EZH2: variants seen among roughly 807,000 people sequenced by gnomAD.
EZH2 encodes the protein histone-lysine N-methyltransferase EZH2.
EZH2 carries 18 observed loss-of-function variants against 98.4 expected under a neutral mutation model. The ratio of observed to expected loss-of-function variants is 0.18; its 90% CI spans 0.13 to 0.27. EZH2 has a LOEUF of 0.27. Ranked by LOEUF, EZH2 falls within the 10% of genes least tolerant of loss-of-function variation. The pLI is 1.00. For missense variants in EZH2, 470 were observed against 935.1 expected, an observed-to-expected ratio of 0.50 and a Z score of 6.49; for synonymous variants, 338 against 312.3, an observed-to-expected ratio of 1.08 and a Z score of -0.87.
chr7:148,811,497 G>A, intron 16 of EZH2, 128 bp downstream of exon 16: 1 of 708,568 alleles, frequency 1.4e-6, no homozygotes, highest in East Asian at 2.8e-5. Context: ...CAGAAGTCCA[G>A]GCTGAAAAGG....
At chr7:148,818,468 G>C (rs1323065766) in intron 9 of EZH2, among the ~76,000 whole-genome samples, 1 of 152,110 alleles carries the variant, frequency 6.6e-6, no homozygotes, top group Non-Finnish European at 1.5e-5. Context: ...TATCTCTATG[G>C]ACATACAGTC....
chr7:148,814,225 T>C (rs1457506150), intron 14 of EZH2, 88 bp from the exon 15 acceptor site: 6 of 1,192,284 alleles, frequency 5.0e-6, no homozygotes, highest in Non-Finnish European at 6.0e-6. Context: ...ACTGGGCATC[T>C]CACTGACTCT....
At chr7:148,853,585 C>A (rs1384405325) in intron 1 of EZH2, among the ~76,000 whole-genome samples, 1 of 152,208 alleles carries the variant, frequency 6.6e-6, no homozygotes, top group Non-Finnish European at 1.5e-5. Context: ...AGACGGGTAC[C>A]AGTCCACGGC....
intron 3 of EZH2, among the ~76,000 whole-genome samples, chr7:148,845,083 G>A (rs1033111960): frequency 6.6e-6 from 1 of 152,128 alleles, no homozygotes; most frequent in Non-Finnish European, 1.5e-5. Context: ...CCTAAGTTAG[G>A]CTTTTGATAG....
At chr7:148,819,318 T>C (rs1248486166) in intron 9 of EZH2, among the ~76,000 whole-genome samples, 2 of 152,226 alleles carry the variant, frequency 1.3e-5, no homozygotes, top group Non-Finnish European at 2.9e-5. Context: ...GCAACTCTCA[T>C]AGACTTTGTG....
chr7:148,845,533 T>C (rs1398939679), intron 3 of EZH2, among the ~76,000 whole-genome samples: 2 of 152,260 alleles, frequency 1.3e-5, no homozygotes, highest in Admixed American at 6.5e-5. Context: ...CTGTTGCTAC[T>C]GGGATATCAC....
chr7:148,846,619 A>C, intron 2 of EZH2, 21 bp from the exon 3 acceptor site: 12 of 1,602,734 alleles, frequency 7.5e-6, no homozygotes, highest in Non-Finnish European at 1.0e-5. Context: ...AAAATGAAGG[A>C]GAGGAAAGGA....
chr7:148,840,591 AAG>A (rs1238879170), intron 3 of EZH2, among the ~76,000 whole-genome samples: 7 of 152,292 alleles, frequency 4.6e-5, no homozygotes, highest in African/African-American at 1.7e-4. Context: ...TGGAGAGAAA[AAG>A]ATAAAACTTT....
intron 8 of EZH2, among the ~76,000 whole-genome samples, chr7:148,820,364 T>G (rs17171119): frequency 0.14 from 20,567 of 152,178 alleles, 1,532 homozygotes; most frequent in East Asian, 0.26. Context: ...TTGACAGCAG[T>G]GCTAACTTCA....
intron 1 of EZH2, among the ~76,000 whole-genome samples, chr7:148,850,683 C>T (rs1308192492): frequency 6.6e-6 from 1 of 152,176 alleles, no homozygotes; most frequent in Non-Finnish European, 1.5e-5. Flanking sequence ...ACCACTTTTA[C>T]TCATTTGTAA....
intron 16 of EZH2, among the ~76,000 whole-genome samples, chr7:148,811,337 A>C (rs920059149): frequency 5.3e-5 from 8 of 152,066 alleles, no homozygotes; most frequent in African/African-American, 1.4e-4. Context: ...TTTTTGTAGC[A>C]ATGGGGTCTT....
chr7:148,853,184 G>C (rs1196806327), intron 1 of EZH2, among the ~76,000 whole-genome samples: 2 of 152,164 alleles, frequency 1.3e-5, no homozygotes, highest in East Asian at 3.9e-4. Context: ...GGCCAAGGCA[G>C]GCAGATCACT....
At chr7:148,848,042 C>CA (rs1478799531) in intron 1 of EZH2, among the ~76,000 whole-genome samples, 2 of 152,226 alleles carry the variant, frequency 1.3e-5, no homozygotes, top group Non-Finnish European at 2.9e-5. Context: ...ATTCATACTG[C>CA]AGAGTCCTCA....
chr7:148,808,209 C>CTGGGT (rs1802032810), intron 19 of EZH2, among the ~76,000 whole-genome samples: 3 of 152,214 alleles, frequency 2.0e-5, no homozygotes, highest in African/African-American at 7.2e-5. Flanking sequence ...GGTGAGGCCA[C>CTGGGT]CGGGTCATCC....
Position 148,810,359 on chromosome 7 carries a change from C to T in EZH2, c.2003G>A (p.Cys668Tyr). ...ATTGTTCAAGTTGAACAGAAAGCTG[C>T]ACATGTATTTATCATACACTTTCCC... ...RRGKVYDKYM[C>Y]SFLFNLNNDF... Residue 668 changes from cysteine to tyrosine, a missense_variant, in exon 17 of 20, where the codon TGC becomes TAC. Coordinates refer to ENST00000320356, the MANE Select transcript of EZH2 (RefSeq NM_004456.5). 1 of 1,611,098 alleles carries T rather than the reference C, an allele frequency of 6.2e-7. No individual in the cohort carries two copies. Among genetic ancestry groups the T allele is most frequent in the Non-Finnish European group, 8.5e-7 (1 of 1,177,532 alleles).
At chr7:148,808,558 G>GC (rs1802145693) in intron 19 of EZH2, among the ~76,000 whole-genome samples, 1 of 152,168 alleles carries the variant, frequency 6.6e-6, no homozygotes, top group Non-Finnish European at 1.5e-5. Context: ...GGTGGCCCAC[G>GC]TGTCCCAGGC....
chr7:148,828,821 T>C lies in EZH2; in HGVS notation c.544A>G (p.Asn182Asp), dbSNP rs1426017767. The change falls in exon 6 of 20, where the codon AAT (asparagine) becomes GAT (aspartate). Residue 182 changes from asparagine to aspartate, a missense_variant. This residue lies in a region of EZH2 where 69 missense variants were observed against 78.3 expected (regional missense o/e 0.88). Coordinates refer to ENST00000320356, the MANE Select transcript of EZH2 (RefSeq NM_004456.5). ...CCATCATCATCATCGTCATCATCAT[T>C]ATATTGACCAAGGGCATTCACCAAC... ...VELVNALGQY[N>D]DDDDDDDGDD... 1.9e-6 allele frequency: 3 copies of C among 1,613,714 alleles called. No individual in the cohort carries two copies. Among genetic ancestry groups the C allele is most frequent in the Non-Finnish European group, 2.5e-6 (3 of 1,179,874 alleles).
chr7:148,875,946 A>C (rs925829900), intron 1 of EZH2: 1 of 152,222 alleles, frequency 6.6e-6, no homozygotes, highest in Admixed American at 6.5e-5. Context: ...ATTTGAGCCC[A>C]GGAGTTGGAA....
chr7:148,843,659 G>A lies in EZH2; in HGVS notation c.246+2811C>T, dbSNP rs542880982. ...CGCCCAGGCTGGAGTGCAGTGGCGC[G>A]ATCTCGGCTCACTGCAAGCTCCGCC... On this transcript the variant is annotated intron_variant, in intron 3 of 19. Coordinates refer to ENST00000320356, the MANE Select transcript of EZH2 (RefSeq NM_004456.5). 1.3e-3 allele frequency among the ~76,000 whole-genome samples: 154 copies of A among 119,992 alleles called. 2 individuals are homozygous for A. Among genetic ancestry groups the A allele is most frequent in the African/African-American group, 4.9e-3 (147 of 29,964 alleles). The allele number at this position is 119,992 out of a possible 152,430, so 78.7% of individuals were successfully genotyped here. A position where few individuals can be genotyped will look rare whatever the true frequency, so the allele number is the denominator to read the frequency against.
Sources: allele counts gnomAD v4.1 joint callset (sites outside exome capture counted in the v4.1 genomes callset), GRCh38; gene constraint gnomAD v4.1.1; regional missense constraint gnomAD v4.1.1; transcripts MANE v1.5; gene names NCBI Gene and HGNC (gene_info 2026-07-23, HGNC 2026-07-21).